The following PTCD2 variants were observed in gnomAD, a reference collection of about 807,000 sequenced individuals.
PTCD2 encodes the protein pentatricopeptide repeat-containing protein 2, mitochondrial.
PTCD2 carries 31 observed loss-of-function variants against 42.6 expected under a neutral mutation model. The observed-to-expected ratio is 0.73, with a 90% CI of 0.55 to 0.98. The LOEUF (loss-of-function observed/expected upper bound fraction) is 0.98. Ranked by LOEUF, PTCD2 falls within the 50% of genes least tolerant of loss-of-function variation. The pLI, the probability that PTCD2 is intolerant of heterozygous loss-of-function variation, is 0.00. For synonymous variants in PTCD2, 183 were observed against 170.9 expected, an observed-to-expected ratio of 1.07 and a Z score of -0.55; for missense variants, 476 against 454.8, an observed-to-expected ratio of 1.05 and a Z score of -0.42.
At chr5:72,333,952 G>T (rs1293369111) in intron 4 of PTCD2, among the ~76,000 whole-genome samples, 1 of 152,104 alleles carries the variant, frequency 6.6e-6, no homozygotes, top group Non-Finnish European at 1.5e-5. Flanking sequence ...ATAACTCTTG[G>T]GTTCAAGTGA....
intron 8 of PTCD2, among the ~76,000 whole-genome samples, chr5:72,344,654 G>T (rs10942276): frequency 6.6e-6 from 1 of 152,200 alleles, no homozygotes; most frequent in African/African-American, 2.4e-5. Flanking sequence ...CAATAGTCAC[G>T]TAGGTTCTTT....
At chr5:72,334,075 C>T (rs1727697421) in intron 4 of PTCD2, among the ~76,000 whole-genome samples, 1 of 151,974 alleles carries the variant, frequency 6.6e-6, no homozygotes, top group Non-Finnish European at 1.5e-5. Flanking sequence ...TGCTGTATTG[C>T]CCAGGCTGGT....
chr5:72,329,139 C>A (rs902332230), intron 3 of PTCD2, among the ~76,000 whole-genome samples: 2 of 152,180 alleles, frequency 1.3e-5, no homozygotes, highest in Admixed American at 1.3e-4. Context: ...ACTCTTTCTA[C>A]TCTTATTTTT....
intron 3 of PTCD2, among the ~76,000 whole-genome samples, chr5:72,326,999 A>G (rs1013045968): frequency 1.3e-5 from 2 of 152,222 alleles, no homozygotes; most frequent in Non-Finnish European, 2.9e-5. Flanking sequence ...CCAGCCTATC[A>G]CTGACATATC....
At chr5:72,334,037 T>G (rs1036857829) in intron 4 of PTCD2, among the ~76,000 whole-genome samples, 1 of 151,968 alleles carries the variant, frequency 6.6e-6, no homozygotes, top group Non-Finnish European at 1.5e-5. Flanking sequence ...TTTTAAATTT[T>G]TATTATTTTT....
At position 72,363,874 on chromosome 5, in the gene PTCD2, C is replaced by G. The variant is rs1418742662; in HGVS notation, c.*5447C>G. 6.6e-6 allele frequency: 1 copy of G among 152,164 alleles called. No homozygotes were observed. Among genetic ancestry groups the G allele is most frequent in the African/African-American group, 2.4e-5 (1 of 41,444 alleles). The allele number at this position is 152,164 out of a possible 1,614,324, so 9.4% of individuals were successfully genotyped here. A position where few individuals can be genotyped will look rare whatever the true frequency, so the allele number is the denominator to read the frequency against. ...GACTTGACTAAAATAACCCACAATT[C>G]AAATTTCCTTCATAACATTTCTACC... On this transcript the variant is annotated 3_prime_UTR_variant, in exon 10 of 10. Coordinates refer to ENST00000380639, the MANE Select transcript of PTCD2 (RefSeq NM_024754.5).
chr5:72,322,334 C>G, intron 2 of PTCD2, 70 bp downstream of exon 2: 1 of 936,374 alleles, frequency 1.1e-6, no homozygotes, highest in Non-Finnish European at 1.7e-6. Flanking sequence ...TATCCCTATT[C>G]AGTGTCTCCT....
In PTCD2 at chr5:72,331,181, C is replaced by T. The variant is rs535615102; in HGVS notation, c.351-77C>T. ...CTCTGTTGTGTCCCAGTACCTGGCA[C>T]AGTACCTGCCATAGTCTGTGTCTGT... is the stretch of plus-strand genomic sequence containing the variant. On this transcript the variant is annotated intron_variant, in intron 3 of 9. Coordinates refer to ENST00000380639, the MANE Select transcript of PTCD2 (RefSeq NM_024754.5). 8.7e-6 allele frequency: 8 copies of T among 915,344 alleles called. No homozygotes were observed. In the East Asian group the frequency reaches 9.7e-5, roughly 11 times the overall value. The allele number at this position is 915,344 out of a possible 1,614,324, so 56.7% of individuals were successfully genotyped here.
chr5:72,352,407 A>G (rs1198928991), intron 8 of PTCD2, among the ~76,000 whole-genome samples: 1 of 152,176 alleles, frequency 6.6e-6, no homozygotes, highest in African/African-American at 2.4e-5. Flanking sequence ...TGGCCTCCCA[A>G]AGTGCTGGGA....
At chr5:72,340,825 T>G (rs1246345992) in intron 7 of PTCD2, among the ~76,000 whole-genome samples, 1 of 152,104 alleles carries the variant, frequency 6.6e-6, no homozygotes, top group Non-Finnish European at 1.5e-5. Flanking sequence ...TAGTATGGAA[T>G]GTGGAGAAAT....
At chr5:72,333,924 A>T (rs1199943264) in intron 4 of PTCD2, among the ~76,000 whole-genome samples, 1 of 152,202 alleles carries the variant, frequency 6.6e-6, no homozygotes, top group African/African-American at 2.4e-5. Context: ...CACTATTATC[A>T]TAGCTCATTG....
chr5:72,335,293 C>A (rs1342479445), intron 5 of PTCD2, among the ~76,000 whole-genome samples, 197 bp downstream of exon 5: 3 of 151,654 alleles, frequency 2.0e-5, no homozygotes, highest in Non-Finnish European at 4.4e-5. Context: ...ACTAAAAATA[C>A]AAAAAATTAG....
Position 72,320,639 on chromosome 5 carries a change from C to T in PTCD2, c.127+130C>T, listed in dbSNP as rs1750775251. The T allele has an allele frequency of 6.7e-6, 9 of 1,339,736 alleles. No homozygotes were observed. The East Asian group carries it at 1.7e-4, about 26-fold the overall frequency. 83.0% of individuals were successfully genotyped at this position (1,339,736 alleles called of 1,614,324 possible). A position where few individuals can be genotyped will look rare whatever the true frequency, so the allele number is the denominator to read the frequency against. ...CACTGGCCTGGAGCGCACCCTCGCC[C>T]TCTAGTTGCACGTGGGTGCAGTGGT... On this transcript the variant is annotated intron_variant, in intron 1 of 9. Coordinates refer to ENST00000380639, the MANE Select transcript of PTCD2 (RefSeq NM_024754.5).
chr5:72,367,589 A>G lies in PTCD2; in HGVS notation c.*9162A>G, dbSNP rs1561405268. The G allele has an allele frequency of 1.3e-5, 2 of 152,186 alleles. No homozygotes were observed. The highest frequency in any genetic ancestry group is 2.9e-5 in the Non-Finnish European group (2 of 68,026). The allele number at this position is 152,186 out of a possible 1,614,324, so 9.4% of individuals were successfully genotyped here. A position where few individuals can be genotyped will look rare whatever the true frequency, so the allele number is the denominator to read the frequency against. On this transcript the variant is annotated 3_prime_UTR_variant, in exon 10 of 10. Transcript: ENST00000380639. The stretch of plus-strand genomic sequence containing the variant: ...AAATCCTATTGTACATATTCCTTAC[A>G]TAATGTCTGTGATTTACCTCACTTA...
At chr5:72,336,164 A>G (rs568264853) in intron 6 of PTCD2, among the ~76,000 whole-genome samples, 4 of 152,306 alleles carry the variant, frequency 2.6e-5, no homozygotes, top group Admixed American at 6.5e-5. Context: ...CTTTAAAGTC[A>G]TCACGCATGC....
intron 8 of PTCD2, 25 bp downstream of exon 8, chr5:72,343,061 G>A (rs754992522): frequency 2.2e-6 from 3 of 1,347,006 alleles, no homozygotes; most frequent in Non-Finnish European, 2.1e-6. Context: ...TATGGTTTAA[G>A]GTAAGCCTTG....
At chr5:72,323,840 G>A (rs1263255259) in intron 2 of PTCD2, among the ~76,000 whole-genome samples, 2 of 151,684 alleles carry the variant, frequency 1.3e-5, no homozygotes, top group Non-Finnish European at 2.9e-5. Context: ...TTGTAGAGAT[G>A]GTCTCACTGT....
At chr5:72,320,550 G>T in intron 1 of PTCD2, 41 bp downstream of exon 1, 1 of 1,610,686 alleles carries the variant, frequency 6.2e-7, no homozygotes. Flanking sequence ...GGAGGGATGG[G>T]AGAGAAGGGA....
intron 9 of PTCD2, among the ~76,000 whole-genome samples, chr5:72,353,193 A>C (rs1187386611): frequency 6.6e-6 from 1 of 152,192 alleles, no homozygotes; most frequent in Non-Finnish European, 1.5e-5. Context: ...CTATATACCC[A>C]TGATGACTGG....
Sources: allele counts gnomAD v4.1 joint callset (sites outside exome capture counted in the v4.1 genomes callset), GRCh38; gene constraint gnomAD v4.1.1; transcripts MANE v1.5; gene names NCBI Gene and HGNC (gene_info 2026-07-23, HGNC 2026-07-21).